The following MPST variants were observed in gnomAD, a reference collection of about 807,000 sequenced individuals.
MPST encodes the protein mercaptopyruvate sulfurtransferase.
MPST carries 27 observed loss-of-function variants against 28.5 expected under a neutral mutation model. The observed-to-expected ratio is 0.95, with a 90% CI of 0.70 to 1.31. The LOEUF (loss-of-function observed/expected upper bound fraction) is 1.31. MPST is among the 50% of genes most tolerant of loss of function. The pLI is 0.00. For synonymous variants in MPST, 204 were observed against 209.3 expected, an observed-to-expected ratio of 0.97 and a Z score of 0.22; for missense variants, 492 against 471.1, an observed-to-expected ratio of 1.04 and a Z score of -0.41.
chr22:37,026,318 A>G (rs1251149357), intron 2 of MPST: 3 of 152,202 alleles, frequency 2.0e-5, no homozygotes, highest in African/African-American at 7.2e-5. Context: ...AAGACATGAT[A>G]GGGGCAAGGA....
At position 37,029,212 on chromosome 22, in the gene MPST, G is replaced by A. The variant is rs759282474; in HGVS notation, c.656-4G>A. 3 of 1,612,910 alleles carry A rather than the reference G, an allele frequency of 1.9e-6. No individual in the cohort carries two copies. Among genetic ancestry groups the A allele is most frequent in the African/African-American group, 1.3e-5 (1 of 74,902 alleles). On this transcript the variant is annotated splice_region_variant and splice_polypyrimidine_tract_variant and intron_variant, in intron 2 of 2. Coordinates refer to ENST00000429360, the MANE Select transcript of MPST (RefSeq NM_021126.8). ...GTCCCCTCCTCCCTGCTCCCCTGCTGTAGGCATTGAACCTGGCCACATCCC... is the reference window on the plus strand; with the variant it reads ...GTCCCCTCCTCCCTGCTCCCCTGCTATAGGCATTGAACCTGGCCACATCCC...
At position 37,024,024 on chromosome 22, in the gene MPST, T is replaced by A; in HGVS notation, c.37-168T>A. 3.8e-6 allele frequency: 5 copies of A among 1,304,510 alleles called. No individual in the cohort carries two copies. The South Asian group carries it at 6.3e-5, about 17-fold the overall frequency. 80.8% of individuals were successfully genotyped at this position (1,304,510 alleles called of 1,614,324 possible). On this transcript the variant is annotated intron_variant, in intron 1 of 2. Transcript: ENST00000429360. ...GGCCTGGCAGAGGGAGGCCCCTGGC[T>A]ACCCACCTTTGTGCCCGGGTTCACC...
intron 2 of MPST, 105 bp downstream of exon 2, chr22:37,024,915 T>C: frequency 1.9e-6 from 3 of 1,542,646 alleles, no homozygotes; most frequent in Non-Finnish European, 2.6e-6. Context: ...TTATCTTGCT[T>C]TCATTTCCTT....
chr22:37,027,152 CA>C (rs1207266597), intron 2 of MPST: 1 of 152,414 alleles, frequency 6.6e-6, no homozygotes, highest in African/African-American at 2.4e-5. Flanking sequence ...GGGGTTTCTC[CA>C]TGTTGGTCAG....
chr22:37,025,542 G>A (rs1332606440), intron 2 of MPST: 1 of 182,720 alleles, frequency 5.5e-6, no homozygotes, highest in Admixed American at 5.4e-5. Context: ...CTGTGGGTAA[G>A]CTCTGTATAA....
At position 37,024,694 on chromosome 22, in the gene MPST, C is replaced by A. The variant is rs976907122; in HGVS notation, c.539C>A (p.Pro180His). The change falls in exon 2 of 3, where the codon CCC becomes CAC. Residue 180 changes from proline to histidine, a missense_variant. By Grantham distance (77) the Pro-to-His change is moderately conservative. Transcript: ENST00000429360. ...GCCGAGTTCCGCGCTCAGCTCGACC[C>A]CGCCTTCATCAAGACCTACGAGGAC... ...APAEFRAQLDPAFIKTYEDIK... is the reference protein window; with the variant it reads ...APAEFRAQLDHAFIKTYEDIK... 4 of 1,599,590 alleles carry A rather than the reference C, an allele frequency of 2.5e-6. No individual in the cohort carries two copies. The Admixed American group carries it at 5.0e-5, about 20-fold the overall frequency.
intron 2 of MPST, 35 bp downstream of exon 2, chr22:37,024,845 G>T (rs773098083): frequency 6.3e-7 from 1 of 1,594,374 alleles, no homozygotes; most frequent in African/African-American, 1.3e-5. Context: ...GGTCGTCGGG[G>T]GCGCGGCCTC....
chr22:37,023,238 G>A (rs375618924), intron 1 of MPST: 9 of 152,296 alleles, frequency 5.9e-5, no homozygotes, highest in South Asian at 2.1e-4. Flanking sequence ...TGGCACCGCC[G>A]GGTCAGGCTA....
At chr22:37,025,131 G>T in intron 2 of MPST, 2 of 1,405,716 alleles carry the variant, frequency 1.4e-6, no homozygotes, top group Non-Finnish European at 9.4e-7. Context: ...GCATGAGGTG[G>T]GGAAGGAGAT....
chr22:37,024,804 C>A lies in MPST; in HGVS notation c.649C>A (p.Arg217=), dbSNP rs758956587. 1.1e-5 allele frequency: 18 copies of A among 1,602,916 alleles called. No individual in the cohort carries two copies. The highest frequency in any genetic ancestry group is 1.5e-5 in the Non-Finnish European group (18 of 1,178,938). ...GRFRGTEPEP[R]DGIEPGHIPG... ...GTTCCGCGGCACCGAGCCCGAGCCC[C>A]GAGACGGTAACGCGGGGGAAGGGGG... The change falls in exon 2 of 3, where the codon CGA becomes AGA. Residue 217 remains arginine, a synonymous_variant. Transcript: ENST00000429360.
At chr22:37,020,147 C>T in intron 1 of MPST, 1 of 374,488 alleles carries the variant, frequency 2.7e-6, no homozygotes, top group East Asian at 3.8e-5. Flanking sequence ...GACAGGGAGA[C>T]GAGACCCCGC....
chr22:37,022,855 C>T (rs931612651), intron 1 of MPST, among the ~76,000 whole-genome samples: 2 of 152,238 alleles, frequency 1.3e-5, no homozygotes, highest in African/African-American at 4.8e-5. Flanking sequence ...GCAGCCCATA[C>T]TCCACACACC....
intron 2 of MPST, 165 bp from the exon 3 acceptor site, chr22:37,029,051 C>G: frequency 1.5e-6 from 1 of 684,666 alleles, no homozygotes; most frequent in Non-Finnish European, 2.4e-6. Flanking sequence ...CTCCTCTAAA[C>G]AGTGCTCAGG....
chr22:37,024,768 G>C lies in MPST; in HGVS notation c.613G>C (p.Ala205Pro), dbSNP rs1424555129. 2.5e-6 allele frequency: 4 copies of C among 1,602,732 alleles called. No homozygotes were observed. Among genetic ancestry groups the C allele is most frequent in the Non-Finnish European group, 3.4e-6 (4 of 1,179,728 alleles). The change falls in exon 2 of 3, where the codon GCC (alanine) becomes CCC (proline). Residue 205 changes from alanine to proline, a missense_variant. Physicochemically the swap from Ala to Pro is conservative, Grantham distance 27. Transcript: ENST00000429360. ...SRRFQVVDSR[A>P]TGRFRGTEPE... ...GCGCTTCCAGGTGGTGGACTCCCGA[G>C]CCACTGGCAGGTTCCGCGGCACCGA...
At chr22:37,021,802 C>T (rs1440851297) in intron 1 of MPST, among the ~76,000 whole-genome samples, 1 of 152,094 alleles carries the variant, frequency 6.6e-6, no homozygotes, top group Non-Finnish European at 1.5e-5. Flanking sequence ...TAAAACCAGC[C>T]AGATGTAATG....
At chr22:37,019,923 T>A in intron 1 of MPST, 51 bp downstream of exon 1, 3 of 945,116 alleles carry the variant, frequency 3.2e-6, no homozygotes, top group Non-Finnish European at 4.1e-6. Context: ...AGGGAGTGGC[T>A]CTTTGGGGGT....
Position 37,029,389 on chromosome 22 carries a change from G to C in MPST, c.829G>C (p.Val277Leu). 6.2e-7 allele frequency: 1 copy of C among 1,613,974 alleles called. No homozygotes were observed. Among genetic ancestry groups the C allele is most frequent in the Non-Finnish European group, 8.5e-7 (1 of 1,180,040 alleles). ...TCGSGVTACH[V>L]ALGAYLCGKP... Reference sequence around the variant, plus strand: ...TGGCTCTGGCGTCACAGCCTGCCACGTGGCACTAGGGGCCTACCTCTGCGG... The same window carrying C: ...TGGCTCTGGCGTCACAGCCTGCCACCTGGCACTAGGGGCCTACCTCTGCGG... The change falls in exon 3 of 3, where the codon GTG becomes CTG. Residue 277 changes from valine to leucine, a missense_variant. Val to Leu is a conservative substitution (Grantham distance 32). Coordinates refer to ENST00000429360, the MANE Select transcript of MPST (RefSeq NM_021126.8).
rs1050077647 is a variant in MPST at position 37,024,480 on chromosome 22, C to T, written c.325C>T (p.Leu109=). ...GCATTTCGCGGAGTACGCAGGCCGC[C>T]TGGGCGTGGGCGCGGCCACCCACGT... ...AEHFAEYAGR[L]GVGAATHVVI... Residue 109 remains leucine, a synonymous_variant, in exon 2 of 3, where the codon CTG becomes TTG. Transcript: ENST00000429360. The T allele has an allele frequency of 2.6e-6, 4 of 1,559,128 alleles. No individual in the cohort carries two copies.
At chr22:37,027,840 C>T (rs921011357) in intron 2 of MPST, 8 of 152,236 alleles carry the variant, frequency 5.3e-5, no homozygotes, top group Non-Finnish European at 1.2e-4. Context: ...GAATCCTACT[C>T]ATCCTTCGGG....
Sources: gnomAD v4.1 joint callset for allele counts (sites outside exome capture counted in the v4.1 genomes callset) on GRCh38, gnomAD v4.1.1 for gene constraint, MANE v1.5 for transcripts, NCBI Gene and HGNC (gene_info 2026-07-23, HGNC 2026-07-21) for gene names.